KMT2C: variants seen among roughly 807,000 people sequenced by gnomAD.
The protein encoded by KMT2C is lysine methyltransferase 2C.
A neutral mutation model predicts 507.9 loss-of-function variants in KMT2C; 88 were observed. The ratio of observed to expected loss-of-function variants is 0.17; its 90% CI spans 0.15 to 0.21. The LOEUF is 0.21. KMT2C is among the 10% of genes least tolerant of loss of function. The pLI, the probability that KMT2C is intolerant of heterozygous loss-of-function variation, is 1.00. For missense variants in KMT2C, 4,954 were observed against 5,957.8 expected (o/e 0.83, Z 5.55); for synonymous variants, 2,049 against 2,080.8 (o/e 0.98, Z 0.42).
intron 1 of KMT2C, among the ~76,000 whole-genome samples, chr7:152,400,468 A>G (rs2097565854): frequency 6.6e-6 from 1 of 152,188 alleles, no homozygotes. Flanking sequence ...CTCTAAAGGG[A>G]TGGATGAAAA....
chr7:152,297,039 A>AAGAAAGAC (rs2096511286), intron 6 of KMT2C, among the ~76,000 whole-genome samples: 2 of 93,194 alleles, frequency 2.1e-5, no homozygotes, highest in Admixed American at 1.2e-4. Flanking sequence ...GAAAGAAAGA[A>AAGAAAGAC]AGAAAGAAAG....
intron 23 of KMT2C, among the ~76,000 whole-genome samples, chr7:152,210,661 A>C (rs1050608538): frequency 6.6e-6 from 1 of 152,164 alleles, no homozygotes; most frequent in Non-Finnish European, 1.5e-5. Context: ...CTGATCTGTA[A>C]CATGAAAGAC....
intron 1 of KMT2C, among the ~76,000 whole-genome samples, chr7:152,366,181 G>C (rs567400909): frequency 1.3e-5 from 2 of 152,100 alleles, no homozygotes; most frequent in South Asian, 2.1e-4. Context: ...AAAACAGTAC[G>C]GCAGTTTCTC....
intron 9 of KMT2C, among the ~76,000 whole-genome samples, chr7:152,262,701 A>G (rs1428445311): frequency 1.3e-5 from 2 of 152,228 alleles, no homozygotes; most frequent in African/African-American, 4.8e-5. Context: ...AAACGAGTAT[A>G]TAGTATATGA....
chr7:152,259,448 A>ACACG (rs1554587648), intron 9 of KMT2C, among the ~76,000 whole-genome samples: 4 of 57,386 alleles, frequency 7.0e-5, no homozygotes, highest in East Asian at 3.9e-4. Context: ...ACACACGCGC[A>ACACG]CACACACACA....
intron 6 of KMT2C, among the ~76,000 whole-genome samples, chr7:152,282,049 T>G (rs965266587): frequency 3.3e-5 from 5 of 152,202 alleles, no homozygotes; most frequent in African/African-American, 4.8e-5. Context: ...CCCAGCACTT[T>G]GGGAGGCCAA....
intron 1 of KMT2C, among the ~76,000 whole-genome samples, chr7:152,430,037 G>C (rs578224633): frequency 4.1e-4 from 59 of 143,966 alleles, no homozygotes; most frequent in Non-Finnish European, 7.0e-4. Context: ...AATTAGCTGG[G>C]TGTGGTGGCA....
intron 1 of KMT2C, among the ~76,000 whole-genome samples, chr7:152,387,896 T>G (rs1489573026): frequency 2.0e-5 from 3 of 151,986 alleles, no homozygotes; most frequent in African/African-American, 7.2e-5. Context: ...AGTGATAACC[T>G]CTGGGGAGTA....
At chr7:152,401,309 C>T (rs200209557) in intron 1 of KMT2C, among the ~76,000 whole-genome samples, 4 of 149,938 alleles carry the variant, frequency 2.7e-5, no homozygotes, top group Non-Finnish European at 4.5e-5. Context: ...CGGCCTCCCG[C>T]CCTCAGGTGA....
At chr7:152,422,937 A>G (rs2097786581) in intron 1 of KMT2C, among the ~76,000 whole-genome samples, 1 of 151,914 alleles carries the variant, frequency 6.6e-6, no homozygotes, top group Admixed American at 6.6e-5. Context: ...GAATGGCATG[A>G]ACCCGGGAGG....
intron 42 of KMT2C, among the ~76,000 whole-genome samples, chr7:152,165,000 A>G (rs960506485): frequency 2.6e-5 from 4 of 152,372 alleles, no homozygotes; most frequent in Admixed American, 2.0e-4. Context: ...ATAGTTTTTC[A>G]AAGTATTTTC....
In KMT2C at chr7:152,163,389, T is replaced by C. The variant is rs552176566; in HGVS notation, c.10188A>G (p.Gln3396=). ...DDNNPFSESF[Q]ERERKERLRE... ...GTAAACGTTCCTTACGTTCCCGTTC[T>C]TGAAAACTTTCACTAAAGGGATTGT... The change falls in exon 43 of 59, where the codon CAA becomes CAG. Residue 3396 remains glutamine (Q), a synonymous_variant. Transcript: ENST00000262189. 1.2e-6 allele frequency: 2 copies of C among 1,614,252 alleles called. No individual in the cohort carries two copies. The highest frequency in any genetic ancestry group is 2.2e-5 in the East Asian group (1 of 44,892).
At chr7:152,408,792 A>G (rs62494131) in intron 1 of KMT2C, among the ~76,000 whole-genome samples, 37 of 149,298 alleles carry the variant, frequency 2.5e-4, no homozygotes, top group East Asian at 3.9e-4. Flanking sequence ...GGAGACCACT[A>G]ACATAAACTA....
chr7:152,226,090 A>G (rs1164443874), intron 18 of KMT2C, among the ~76,000 whole-genome samples: 3 of 152,122 alleles, frequency 2.0e-5, no homozygotes, highest in Non-Finnish European at 4.4e-5. Flanking sequence ...GCATTGATAA[A>G]GCAGTAAACC....
intron 52 of KMT2C, among the ~76,000 whole-genome samples, chr7:152,147,412 G>A (rs149942653): frequency 9.8e-4 from 149 of 152,100 alleles, no homozygotes; most frequent in African/African-American, 3.3e-3. Context: ...TGCCAGGTAC[G>A]GTGGCTCACA....
rs1217608060 is a variant in KMT2C, at chr7:152,297,051, AAGACAG to A, written c.849+12909_849+12914del. Among the ~76,000 whole-genome samples, 131 of 60,272 alleles carry A rather than the reference AAGACAG, an allele frequency of 2.2e-3. 2 individuals are homozygous for A. The highest frequency in any genetic ancestry group is 4.0e-3 in the East Asian group (9 of 2,268). The allele number at this position is 60,272 out of a possible 152,430, so 39.5% of individuals were successfully genotyped here. On this transcript the variant is annotated intron_variant, in intron 6 of 58. Transcript: ENST00000262189. ...AAAGAAAGAAAGAAAGAAAGAAAGA[AAGACAG>A]AGAGAGAGAGAGAGAGAGAGAGAGA... is the stretch of plus-strand genomic sequence containing the variant.
intron 48 of KMT2C, among the ~76,000 whole-genome samples, chr7:152,153,220 T>A (rs1314658847): frequency 6.6e-6 from 1 of 152,216 alleles, no homozygotes; most frequent in Non-Finnish European, 1.5e-5. Context: ...CTATTTTAGA[T>A]ATTGTAACAT....
chr7:152,292,400 T>C (rs1404345245), intron 6 of KMT2C, among the ~76,000 whole-genome samples: 1 of 152,100 alleles, frequency 6.6e-6, no homozygotes, highest in African/African-American at 2.4e-5. Context: ...GAGCAGCAAT[T>C]TGAAATATAT....
At chr7:152,326,623 G>A (rs781547831) in intron 3 of KMT2C, among the ~76,000 whole-genome samples, 3 of 152,172 alleles carry the variant, frequency 2.0e-5, no homozygotes, top group South Asian at 2.1e-4. Context: ...GCTCACGCCT[G>A]TAATCCCAGC....
Sources: gnomAD v4.1 joint callset for allele counts (sites outside exome capture counted in the v4.1 genomes callset) on GRCh38, gnomAD v4.1.1 for gene constraint, MANE v1.5 for transcripts, NCBI Gene and HGNC (gene_info 2026-07-23, HGNC 2026-07-21) for gene names.